The following PLXDC2 variants were observed in gnomAD, a reference collection of about 807,000 sequenced individuals.
PLXDC2 encodes plexin domain-containing protein 2.
PLXDC2 carries 40 observed loss-of-function variants against 68.9 expected under a neutral mutation model. That is an observed-to-expected ratio of 0.58 (90% CI 0.45 to 0.76). The LOEUF (loss-of-function observed/expected upper bound fraction) is 0.76, where lower values mean the gene tolerates loss of function less well. Ranked by LOEUF, PLXDC2 falls within the 30% of genes least tolerant of loss-of-function variation. The pLI is 0.00. For synonymous variants in PLXDC2, 243 were observed against 234.2 expected (o/e 1.04, Z -0.34); for missense variants, 644 against 661.9 (o/e 0.97, Z 0.30).
chr10:19,896,023 C>T (rs1193368106), intron 1 of PLXDC2, among the ~76,000 whole-genome samples: 1 of 152,180 alleles, frequency 6.6e-6, no homozygotes, highest in Non-Finnish European at 1.5e-5. Context: ...TCGGGGGGCC[C>T]TAGCTGACCC....
intron 1 of PLXDC2, among the ~76,000 whole-genome samples, chr10:19,983,305 G>A (rs1834583425): frequency 6.6e-6 from 1 of 152,030 alleles, no homozygotes; most frequent in Non-Finnish European, 1.5e-5. Context: ...TGGGAAAGAG[G>A]ACATACTGTT....
At chr10:20,149,156 G>T (rs1208555275) in intron 6 of PLXDC2, among the ~76,000 whole-genome samples, 1 of 143,360 alleles carries the variant, frequency 7.0e-6, no homozygotes, top group Non-Finnish European at 1.5e-5. Flanking sequence ...AGGTTTTGTT[G>T]TACAGATTAT....
At chr10:19,883,215 G>A (rs1837767934) in intron 1 of PLXDC2, among the ~76,000 whole-genome samples, 1 of 152,050 alleles carries the variant, frequency 6.6e-6, no homozygotes, top group Admixed American at 6.6e-5. Flanking sequence ...GCCCGCCTTG[G>A]CCTCCCAAAG....
chr10:20,161,546 G>A (rs567918386), intron 6 of PLXDC2, among the ~76,000 whole-genome samples: 36 of 151,570 alleles, frequency 2.4e-4, no homozygotes, highest in Admixed American at 9.2e-4. Flanking sequence ...GAGGGTCTGG[G>A]CACAAGGAAG....
chr10:20,199,669 G>A (rs1834890482), intron 9 of PLXDC2, among the ~76,000 whole-genome samples: 1 of 151,944 alleles, frequency 6.6e-6, no homozygotes. Context: ...TTTAATGGAT[G>A]TAAAGTTGCA....
At chr10:20,024,062 A>T (rs760509904) in intron 2 of PLXDC2, among the ~76,000 whole-genome samples, 1 of 152,170 alleles carries the variant, frequency 6.6e-6, no homozygotes, top group Non-Finnish European at 1.5e-5. Flanking sequence ...CAGAATAGGA[A>T]CATATATGAT....
chr10:20,275,063 T>C (rs78698882), intron 13 of PLXDC2, among the ~76,000 whole-genome samples: 2,262 of 152,150 alleles, frequency 0.015, 30 homozygotes, highest in Non-Finnish European at 0.022. Flanking sequence ...AAGAATGAAA[T>C]AGAGAGAAAA....
At chr10:20,267,256 T>C (rs1835883738) in intron 13 of PLXDC2, among the ~76,000 whole-genome samples, 1 of 152,188 alleles carries the variant, frequency 6.6e-6, no homozygotes, top group Admixed American at 6.5e-5. Context: ...GTTTAGTTGT[T>C]AAGGCTGACT....
intron 4 of PLXDC2, among the ~76,000 whole-genome samples, chr10:20,139,534 A>G (rs1300264087): frequency 6.6e-6 from 1 of 152,232 alleles, no homozygotes; most frequent in Non-Finnish European, 1.5e-5. Flanking sequence ...AAATCATTCT[A>G]CTATAAAGAC....
intron 4 of PLXDC2, among the ~76,000 whole-genome samples, chr10:20,118,651 A>G (rs780854470): frequency 1.3e-5 from 2 of 152,172 alleles, no homozygotes; most frequent in African/African-American, 2.4e-5. Flanking sequence ...ATCAGCCACT[A>G]TGTAGAATGT....
intron 9 of PLXDC2, among the ~76,000 whole-genome samples, chr10:20,198,492 A>C (rs1276785435): frequency 6.6e-6 from 1 of 152,082 alleles, no homozygotes; most frequent in Admixed American, 6.6e-5. Flanking sequence ...GTATATATTT[A>C]TGGGGTACTA....
intron 1 of PLXDC2, among the ~76,000 whole-genome samples, chr10:19,985,609 T>C (rs2131623385): frequency 6.6e-6 from 1 of 152,334 alleles, no homozygotes; most frequent in Non-Finnish European, 1.5e-5. Flanking sequence ...AGTCCACTCT[T>C]TATGCTAACA....
intron 1 of PLXDC2, among the ~76,000 whole-genome samples, chr10:19,817,571 T>G (rs1050564213): frequency 2.6e-5 from 4 of 152,138 alleles, no homozygotes; most frequent in African/African-American, 7.2e-5. Context: ...CTGGTTAAAC[T>G]AAGCGTGTGT....
intron 1 of PLXDC2, among the ~76,000 whole-genome samples, chr10:19,856,852 A>G (rs2131331349): frequency 6.6e-6 from 1 of 152,360 alleles, no homozygotes; most frequent in South Asian, 2.1e-4. Context: ...CCTTGAAGAT[A>G]CATCATACCG....
At chr10:20,082,349 A>G (rs1278208585) in intron 4 of PLXDC2, among the ~76,000 whole-genome samples, 1 of 151,992 alleles carries the variant, frequency 6.6e-6, no homozygotes, top group African/African-American at 2.4e-5. Context: ...GTAGTATGGG[A>G]AATCAGGTGT....
intron 3 of PLXDC2, among the ~76,000 whole-genome samples, chr10:20,060,061 C>T (rs533277596): frequency 6.6e-6 from 1 of 152,248 alleles, no homozygotes; most frequent in African/African-American, 2.4e-5. Flanking sequence ...GAGACATGGT[C>T]TTGCTCTGTC....
chr10:20,271,407 T>C (rs1020638807), intron 13 of PLXDC2, among the ~76,000 whole-genome samples: 6 of 152,096 alleles, frequency 3.9e-5, no homozygotes, highest in Non-Finnish European at 8.8e-5. Context: ...AGATATAGTA[T>C]TGAGAGTTCA....
intron 12 of PLXDC2, among the ~76,000 whole-genome samples, chr10:20,242,895 G>C (rs1393818353): frequency 6.6e-6 from 1 of 152,130 alleles, no homozygotes; most frequent in Non-Finnish European, 1.5e-5. Context: ...ATTTTTAGTA[G>C]AGACAGGGTT....
At chr10:19,980,760 G>T (rs374228670) in intron 1 of PLXDC2, among the ~76,000 whole-genome samples, 6 of 152,282 alleles carry the variant, frequency 3.9e-5, no homozygotes, top group East Asian at 3.9e-4. Context: ...AGAGATCAGG[G>T]TGTCAAATTT....
Sources: allele counts gnomAD v4.1 joint callset (sites outside exome capture counted in the v4.1 genomes callset), GRCh38; gene constraint gnomAD v4.1.1; transcripts MANE v1.5; gene names NCBI Gene and HGNC (gene_info 2026-07-23, HGNC 2026-07-21).